Variants in SHANK2 observed in about 807,000 individuals in gnomAD.
The protein encoded by SHANK2 is SH3 and multiple ankyrin repeat domains protein 2.
In SHANK2, 43 loss-of-function variants were observed where a neutral mutation model predicts 133.7. The ratio of observed to expected loss-of-function variants is 0.32; its 90% CI spans 0.25 to 0.41. The LOEUF is 0.41. SHANK2 is among the 10% of genes least tolerant of loss of function. The pLI is 1.00. For synonymous variants in SHANK2, 1,017 were observed against 952.8 expected (o/e 1.07, Z -1.24); for missense variants, 1,994 against 2,235.8 (o/e 0.89, Z 2.18).
intron 10 of SHANK2, among the ~76,000 whole-genome samples, chr11:70,920,266 T>C (rs1437556352): frequency 2.0e-5 from 3 of 152,176 alleles, no homozygotes; most frequent in African/African-American, 7.2e-5. Context: ...TATGCATGTA[T>C]GCATGTATGT....
At chr11:70,484,210 G>A (rs1419493858) in intron 25 of SHANK2, among the ~76,000 whole-genome samples, 3 of 152,180 alleles carry the variant, frequency 2.0e-5, no homozygotes, top group African/African-American at 4.8e-5. Flanking sequence ...GCCCTGATAC[G>A]GTTTGGATCT....
In SHANK2 at chr11:70,783,751, C is replaced by T. The variant is rs534947287; in HGVS notation, c.1777+14692G>A. On this transcript the variant is annotated intron_variant, in intron 14 of 25. Coordinates refer to ENST00000601538, the MANE Select transcript of SHANK2 (RefSeq NM_012309.5). ...GTTTGTTTTATAACTGCCCACTGGA[C>T]GTGCGGTTGTTTTGTGAACCTCTCT... is the stretch of plus-strand genomic sequence containing the variant. Among the ~76,000 whole-genome samples the T allele has an allele frequency of 1.1e-4, 17 of 152,224 alleles. No individual in the cohort carries two copies. The East Asian group carries it at 1.7e-3, about 16-fold the overall frequency.
intron 10 of SHANK2, among the ~76,000 whole-genome samples, chr11:70,936,548 A>G (rs1288706681): frequency 6.6e-6 from 1 of 152,148 alleles, no homozygotes; most frequent in Non-Finnish European, 1.5e-5. Context: ...TAAAAAAGTA[A>G]AACTAAAATA....
In SHANK2 at chr11:70,470,955, A is replaced by AAGAT; in HGVS notation, c.*1910_*1913dup. ...GTCCTTCAATGACGAAGTTCTAGCA[A>AAGAT]AGATAGAAAATATAACACAGCTCTG... On this transcript the variant is annotated 3_prime_UTR_variant, in exon 26 of 26. Transcript: ENST00000601538. 8.6e-6 allele frequency: 2 copies of AAGAT among 233,438 alleles called. No individual in the cohort carries two copies. Among genetic ancestry groups the AAGAT allele is most frequent in the Non-Finnish European group, 1.6e-5 (2 of 121,964 alleles). 14.5% of individuals were successfully genotyped at this position (233,438 alleles called of 1,614,324 possible).
Position 70,471,455 on chromosome 11 carries a change from G to A in SHANK2, c.*1414C>T. Reference sequence around the variant, plus strand: ...TTGGAAATTCGAGGTATTGTTATGGGGTGGAGGGACTCCGGGGAAAGAAAG... The same window carrying A: ...TTGGAAATTCGAGGTATTGTTATGGAGTGGAGGGACTCCGGGGAAAGAAAG... On this transcript the variant is annotated 3_prime_UTR_variant, in exon 26 of 26. Transcript: ENST00000601538. This position sits in a 1 kb window ranked among gnomAD's most constrained non-coding sequence, Gnocchi z 4.1. The A allele has an allele frequency of 2.5e-6, 1 of 398,766 alleles. No individual in the cohort carries two copies. The highest frequency in any genetic ancestry group is 4.4e-6 in the Non-Finnish European group (1 of 226,038). The allele number at this position is 398,766 out of a possible 1,614,324, so 24.7% of individuals were successfully genotyped here.
intron 23 of SHANK2, chr11:70,490,043 C>T: frequency 2.2e-6 from 1 of 453,392 alleles, no homozygotes; most frequent in Non-Finnish European, 4.1e-6. Flanking sequence ...CAGAAGCCAC[C>T]CTAGATTTTG....
At chr11:70,885,043 G>A (rs10793379) in intron 11 of SHANK2, among the ~76,000 whole-genome samples, 104,825 of 152,186 alleles carry the variant, frequency 0.69, 42,220 homozygotes, top group Non-Finnish European at 0.88. Flanking sequence ...TAAATTCCAC[G>A]TGTATGTCAG....
At chr11:71,062,260 G>C (rs1820408180) in intron 9 of SHANK2, among the ~76,000 whole-genome samples, 1 of 152,096 alleles carries the variant, frequency 6.6e-6, no homozygotes, top group Non-Finnish European at 1.5e-5. Flanking sequence ...CCAGCCCAAG[G>C]TCTTTATCAA....
chr11:70,823,459 G>C (rs1283113311), intron 11 of SHANK2, among the ~76,000 whole-genome samples: 4 of 142,474 alleles, frequency 2.8e-5, no homozygotes, highest in African/African-American at 1.1e-4. Context: ...ATAGGGGACA[G>C]AGGTGGCGTT....
rs75243491 is a variant in SHANK2, at chr11:70,709,490, G to A, written c.1778-10727C>T. Among the ~76,000 whole-genome samples, 89 of 152,354 alleles carry A rather than the reference G, an allele frequency of 5.8e-4. 1 individual carries two copies. The East Asian group carries it at 0.016, about 27-fold the overall frequency. On this transcript the variant is annotated intron_variant, in intron 14 of 25. Coordinates refer to ENST00000601538, the MANE Select transcript of SHANK2 (RefSeq NM_012309.5). ...GTCTGACCTGGCTGAGGAAGGAGGA[G>A]GAAGTCTCAGCAGAGATGGGGAAAT...
intron 2 of SHANK2, among the ~76,000 whole-genome samples, chr11:71,180,350 GA>G (rs1953530799): frequency 6.6e-6 from 1 of 152,160 alleles, no homozygotes; most frequent in Admixed American, 6.5e-5. Flanking sequence ...GAAGGAAAGA[GA>G]ACAGAGGAAG....
At chr11:71,111,643 C>T (rs1386244995) in intron 5 of SHANK2, among the ~76,000 whole-genome samples, 2 of 152,202 alleles carry the variant, frequency 1.3e-5, no homozygotes, top group Non-Finnish European at 2.9e-5. Flanking sequence ...TCTGACACAG[C>T]AGGTTCCTGG....
At chr11:70,711,808 A>T (rs1159031859) in intron 14 of SHANK2, among the ~76,000 whole-genome samples, 2 of 152,226 alleles carry the variant, frequency 1.3e-5, no homozygotes, top group Non-Finnish European at 2.9e-5. Context: ...AATCAGCAGC[A>T]GATCATTCAT....
At chr11:70,540,213 T>C (rs2059601449) in intron 17 of SHANK2, among the ~76,000 whole-genome samples, 1 of 152,172 alleles carries the variant, frequency 6.6e-6, no homozygotes, top group African/African-American at 2.4e-5. Flanking sequence ...CCGTGAGTTA[T>C]GGGCATGCTT....
rs2135473243 is a variant in SHANK2 at position 71,163,377 on chromosome 11, CA to C, written c.-12-16040del. ...TTTCCAGTGCAAGCCCTTGATAAAT[CA>C]AATCTATTCATTTTGGAAGCTGGAC... On this transcript the variant is annotated intron_variant, in intron 2 of 25. Coordinates refer to ENST00000601538, the MANE Select transcript of SHANK2 (RefSeq NM_012309.5). Among the ~76,000 whole-genome samples the C allele has an allele frequency of 1.3e-5, 2 of 152,210 alleles. 1 individual carries two copies. The highest frequency in any genetic ancestry group is 4.2e-4 in the South Asian group (2 of 4,806).
Position 70,486,127 on chromosome 11 carries a change from A to G in SHANK2, c.4166T>C (p.Phe1389Ser). The G allele has an allele frequency of 6.2e-7, 1 of 1,613,568 alleles. No individual in the cohort carries two copies. Among genetic ancestry groups the G allele is most frequent in the Non-Finnish European group, 8.5e-7 (1 of 1,179,684 alleles). Residue 1389 changes from phenylalanine to serine, a missense_variant, in exon 25 of 26, where the codon TTC becomes TCC. This residue lies in a region of SHANK2 where 797 missense variants were observed against 907.4 expected (regional missense o/e 0.88). Coordinates refer to ENST00000601538, the MANE Select transcript of SHANK2 (RefSeq NM_012309.5). This position sits in a 1 kb window ranked among gnomAD's most constrained non-coding sequence, Gnocchi z 8.0. ...TGCCAGAGGGGGAGGAGGGATGCGG[A>G]ATGGCAAAATCACCGCCTCTTCCAT... is the stretch of plus-strand genomic sequence containing the variant. ...GSMEEAVILP[F>S]RIPPPPLASV...
rs782002188 is a variant in SHANK2, at chr11:70,502,907, C to T, written c.2086G>A (p.Val696Ile). 1.2e-6 allele frequency: 2 copies of T among 1,614,022 alleles called. No homozygotes were observed. Among genetic ancestry groups the T allele is most frequent in the African/African-American group, 2.7e-5 (2 of 74,902 alleles). Reference protein sequence around the residue: ...IEVNNENVVKVGHRQVVNMIR... With the variant: ...IEVNNENVVKIGHRQVVNMIR... Reference sequence around the variant, plus strand: ...ATGTTCACCACCTGCCTGTGGCCGACTTTGACAACATTCTCATTGTTAACC... The same window carrying T: ...ATGTTCACCACCTGCCTGTGGCCGATTTTGACAACATTCTCATTGTTAACC... Residue 696 changes from valine (V) to isoleucine (I), a missense_variant, in exon 18 of 26, where the codon GTC becomes ATC. Coordinates refer to ENST00000601538, the MANE Select transcript of SHANK2 (RefSeq NM_012309.5).
chr11:70,726,984 A>C (rs1946192539), intron 14 of SHANK2, among the ~76,000 whole-genome samples: 1 of 152,244 alleles, frequency 6.6e-6, no homozygotes, highest in African/African-American at 2.4e-5. Context: ...ACAAATGGAA[A>C]TCTACCTGGG....
At chr11:70,845,527 A>C (rs1313131652) in intron 11 of SHANK2, among the ~76,000 whole-genome samples, 1 of 152,036 alleles carries the variant, frequency 6.6e-6, no homozygotes, top group Non-Finnish European at 1.5e-5. Context: ...GGGCCATCTT[A>C]GGTGCCGAGG....
Sources: gnomAD v4.1 joint callset for allele counts (sites outside exome capture counted in the v4.1 genomes callset) on GRCh38, gnomAD v4.1.1 for gene constraint, gnomAD v4.1.1 regional missense constraint, Gnocchi (gnomAD v3.1) non-coding constraint, MANE v1.5 for transcripts, NCBI Gene and HGNC (gene_info 2026-07-23, HGNC 2026-07-21) for gene names.